Variants in PTPRN2 observed in about 807,000 individuals in gnomAD.
The protein encoded by PTPRN2 is protein tyrosine phosphatase receptor type N2.
PTPRN2 carries 74 observed loss-of-function variants against 118.8 expected under a neutral mutation model. The observed-to-expected ratio is 0.62, with a 90% CI of 0.52 to 0.76. PTPRN2 has a LOEUF of 0.76. PTPRN2 is among the 30% of genes least tolerant of loss of function. The probability of loss-of-function intolerance (pLI) is 0.00; values close to 1 mark genes in which losing one functional copy is unlikely to be tolerated. For synonymous variants in PTPRN2, 641 were observed against 608.0 expected (o/e 1.05, Z -0.80); for missense variants, 1,481 against 1,394.4 (o/e 1.06, Z -0.99).
chr7:157,696,889 C>A (rs1202171873), intron 12 of PTPRN2, among the ~76,000 whole-genome samples: 1 of 114,990 alleles, frequency 8.7e-6, no homozygotes, highest in Non-Finnish European at 1.8e-5. Context: ...AGAGCCCTCA[C>A]CGTCTACCCA....
chr7:157,876,382 C>T (rs1277521196), intron 12 of PTPRN2, among the ~76,000 whole-genome samples: 1 of 152,218 alleles, frequency 6.6e-6, no homozygotes, highest in African/African-American at 2.4e-5. Flanking sequence ...AGGACAGAGT[C>T]TGTCACCAGA....
intron 2 of PTPRN2, among the ~76,000 whole-genome samples, chr7:158,350,821 C>T (rs1163631710): frequency 6.6e-6 from 1 of 152,166 alleles, no homozygotes; most frequent in Admixed American, 6.5e-5. Context: ...TAGCTGGATT[C>T]TAGGCTATCA....
At chr7:158,411,900 G>A (rs778940513) in intron 2 of PTPRN2, among the ~76,000 whole-genome samples, 1 of 152,064 alleles carries the variant, frequency 6.6e-6, no homozygotes, top group Non-Finnish European at 1.5e-5. Flanking sequence ...GCGCACATGA[G>A]ACTGGGGCTG....
At chr7:158,577,104 A>G (rs372604710) in intron 1 of PTPRN2, among the ~76,000 whole-genome samples, 140 of 92,682 alleles carry the variant, frequency 1.5e-3, no homozygotes, top group Admixed American at 2.8e-3. Flanking sequence ...CATGGGGCCT[A>G]CACAACACTG....
In PTPRN2 at chr7:157,690,833, G is replaced by T. The variant is rs1192326426; in HGVS notation, c.1789-7896C>A. ...GCAGGCGCCGGAGCTCTGCGCGGCCGCTCGGCCCAGCTCCGCGTGCTCCGC... is the reference window on the plus strand; with the variant it reads ...GCAGGCGCCGGAGCTCTGCGCGGCCTCTCGGCCCAGCTCCGCGTGCTCCGC... On this transcript the variant is annotated intron_variant, in intron 12 of 22. Coordinates refer to ENST00000389418, the MANE Select transcript of PTPRN2 (RefSeq NM_002847.5). The surrounding 1 kb of genome is among the most constrained non-coding windows in gnomAD (Gnocchi z 7.1). Among the ~76,000 whole-genome samples, 3 of 147,844 alleles carry T rather than the reference G, an allele frequency of 2.0e-5. No individual in the cohort carries two copies. The highest frequency in any genetic ancestry group is 3.0e-5 in the Non-Finnish European group (2 of 66,578).
intron 3 of PTPRN2, among the ~76,000 whole-genome samples, chr7:158,207,769 G>T (rs1253040494): frequency 1.3e-5 from 2 of 152,066 alleles, no homozygotes; most frequent in Non-Finnish European, 2.9e-5. Flanking sequence ...AGGAAAACAT[G>T]ACCTCACCAA....
intron 1 of PTPRN2, among the ~76,000 whole-genome samples, chr7:158,538,123 G>A (rs543469979): frequency 2.6e-5 from 4 of 152,336 alleles, no homozygotes; most frequent in Admixed American, 1.3e-4. Context: ...TCTTCCGGAC[G>A]CTGGCGGAAA....
intron 10 of PTPRN2, among the ~76,000 whole-genome samples, chr7:158,086,174 T>C (rs1335895500): frequency 6.6e-6 from 1 of 152,142 alleles, no homozygotes; most frequent in Admixed American, 6.5e-5. Context: ...AGGGGCCAAT[T>C]TTCAAACAGA....
At chr7:157,756,091 T>A (rs1801762304) in intron 12 of PTPRN2, among the ~76,000 whole-genome samples, 1 of 152,148 alleles carries the variant, frequency 6.6e-6, no homozygotes, top group African/African-American at 2.4e-5. Flanking sequence ...ACCAAAAATA[T>A]ACTTGTGAAA....
intron 11 of PTPRN2, among the ~76,000 whole-genome samples, chr7:157,989,504 C>A (rs1191059791): frequency 8.3e-6 from 1 of 120,184 alleles, no homozygotes; most frequent in Non-Finnish European, 1.7e-5. Context: ...CAGAAGAAAG[C>A]GGAGTCTTGT....
intron 11 of PTPRN2, among the ~76,000 whole-genome samples, chr7:158,045,207 A>T (rs1259291636): frequency 2.0e-5 from 3 of 152,356 alleles, no homozygotes; most frequent in East Asian, 1.9e-4. Flanking sequence ...GACAGCAGTC[A>T]TGTGGCGCAC....
intron 9 of PTPRN2, among the ~76,000 whole-genome samples, chr7:158,118,934 C>A (rs1816935658): frequency 6.6e-6 from 1 of 152,150 alleles, no homozygotes; most frequent in Non-Finnish European, 1.5e-5. Context: ...AGCTCCTGGG[C>A]TCAAGAAATC....
At chr7:158,462,016 C>T (rs1362546511) in intron 2 of PTPRN2, among the ~76,000 whole-genome samples, 2 of 152,282 alleles carry the variant, frequency 1.3e-5, no homozygotes, top group Non-Finnish European at 2.9e-5. Context: ...GATAGAACCG[C>T]CTGGGTGCTT....
chr7:157,600,159 A>C (rs1171290561), intron 16 of PTPRN2, among the ~76,000 whole-genome samples: 1 of 63,162 alleles, frequency 1.6e-5, no homozygotes, highest in African/African-American at 6.7e-5. Context: ...CCACCTGCCT[A>C]CCTCTCCACC....
In PTPRN2 at chr7:157,995,091, G is replaced by A. The variant is rs116274204; in HGVS notation, c.1723+86207C>T. ...CCTTTGTTCCTAAAATCAATGCCAC[G>A]TCCCCAGCTTACAACTCCTTGTTCC... is the stretch of plus-strand genomic sequence containing the variant. On this transcript the variant is annotated intron_variant, in intron 11 of 22. Transcript: ENST00000389418. Among the ~76,000 whole-genome samples the A allele has an allele frequency of 6.6e-3, 674 of 102,648 alleles. 27 individuals are homozygous for A. The highest frequency in any genetic ancestry group is 0.026 in the African/African-American group (585 of 22,662). The allele number at this position is 102,648 out of a possible 152,430, so 67.3% of individuals were successfully genotyped here. A position where few individuals can be genotyped will look rare whatever the true frequency, so the allele number is the denominator to read the frequency against.
At chr7:158,508,497 A>G (rs1171886654) in intron 1 of PTPRN2, among the ~76,000 whole-genome samples, 1 of 152,126 alleles carries the variant, frequency 6.6e-6, no homozygotes, top group East Asian at 1.9e-4. Flanking sequence ...GTGACTCAGC[A>G]ACTGAAAGAA....
intron 11 of PTPRN2, among the ~76,000 whole-genome samples, chr7:157,906,526 C>T (rs975191618): frequency 2.6e-5 from 4 of 152,226 alleles, no homozygotes; most frequent in South Asian, 2.1e-4. Flanking sequence ...TGGACAATCC[C>T]GGACTGGGCT....
intron 3 of PTPRN2, among the ~76,000 whole-genome samples, chr7:158,221,127 TA>T (rs1828333906): frequency 6.6e-6 from 1 of 152,142 alleles, no homozygotes; most frequent in East Asian, 1.9e-4. Context: ...AAGGACTCCC[TA>T]TTCAATAAAT....
At chr7:158,401,664 G>A (rs1812959443) in intron 2 of PTPRN2, among the ~76,000 whole-genome samples, 1 of 152,264 alleles carries the variant, frequency 6.6e-6, no homozygotes, top group Non-Finnish European at 1.5e-5. Flanking sequence ...TTCTTAGGAA[G>A]AAATGTCTTT....
Sources: allele counts gnomAD v4.1 joint callset (sites outside exome capture counted in the v4.1 genomes callset), GRCh38; gene constraint gnomAD v4.1.1; non-coding constraint Gnocchi (gnomAD v3.1); transcripts MANE v1.5; gene names NCBI Gene and HGNC (gene_info 2026-07-23, HGNC 2026-07-21).